The following CFAP44 variants were observed in gnomAD, a reference collection of about 807,000 sequenced individuals.
CFAP44 encodes cilia- and flagella-associated protein 44.
Under a neutral mutation model 216.2 loss-of-function variants are expected in CFAP44, and 134 were observed. The ratio of observed to expected loss-of-function variants is 0.62; its 90% CI spans 0.54 to 0.72. CFAP44 has a LOEUF of 0.72. Among genes scored for constraint, CFAP44 ranks in the 30% least tolerant of loss-of-function variants. The probability of loss-of-function intolerance (pLI) is 0.00; values close to 1 mark genes in which losing one functional copy is unlikely to be tolerated. For synonymous variants in CFAP44, 700 were observed against 727.6 expected (o/e 0.96, Z 0.61); for missense variants, 2,035 against 2,182.1 (o/e 0.93, Z 1.34).
At chr3:113,369,918 A>C (rs1230625514) in intron 18 of CFAP44, among the ~76,000 whole-genome samples, 2 of 152,204 alleles carry the variant, frequency 1.3e-5, no homozygotes, top group Non-Finnish European at 2.9e-5. Flanking sequence ...ATCCCACAGA[A>C]ATACAAACTA....
intron 5 of CFAP44, among the ~76,000 whole-genome samples, chr3:113,418,837 C>T (rs1026466382): frequency 1.3e-5 from 2 of 151,838 alleles, no homozygotes; most frequent in African/African-American, 4.8e-5. Context: ...CCTGAGTAGC[C>T]GGGATTACAG....
At chr3:113,403,820 G>A (rs988240222) in intron 9 of CFAP44, 32 bp downstream of exon 9, 50 of 1,597,674 alleles carry the variant, frequency 3.1e-5, no homozygotes, top group Non-Finnish European at 4.2e-5. Flanking sequence ...CTTAAACGTG[G>A]GTGCTACCAT....
chr3:113,365,299 A>G (rs1487747850), intron 19 of CFAP44, among the ~76,000 whole-genome samples: 1 of 152,146 alleles, frequency 6.6e-6, no homozygotes, highest in Non-Finnish European at 1.5e-5. Context: ...TATCTTCCCT[A>G]CATTCTTTAT....
At chr3:113,339,899 TG>T (rs1559916274) in intron 24 of CFAP44, among the ~76,000 whole-genome samples, 1 of 152,200 alleles carries the variant, frequency 6.6e-6, no homozygotes, top group Non-Finnish European at 1.5e-5. Flanking sequence ...GGAGAGAGTC[TG>T]GGGGAAGAAC....
chr3:113,412,192 G>T (rs1402378928), intron 6 of CFAP44, among the ~76,000 whole-genome samples: 1 of 152,132 alleles, frequency 6.6e-6, no homozygotes, highest in African/African-American at 2.4e-5. Context: ...GAAATAAAAG[G>T]AATTCAATTA....
intron 15 of CFAP44, among the ~76,000 whole-genome samples, chr3:113,391,360 A>G (rs1457523116): frequency 6.6e-6 from 1 of 152,142 alleles, no homozygotes; most frequent in South Asian, 2.1e-4. Flanking sequence ...TTAAAGACTT[A>G]AACTTAAGAC....
At chr3:113,401,400 C>T (rs1934138036) in intron 10 of CFAP44, 113 bp from the exon 11 acceptor site, 6 of 1,201,438 alleles carry the variant, frequency 5.0e-6, no homozygotes, top group Non-Finnish European at 7.0e-6. Context: ...CAAAAGCTCA[C>T]ATATATTTTA....
At chr3:113,431,154 A>C (rs970874312) in intron 2 of CFAP44, among the ~76,000 whole-genome samples, 2 of 152,108 alleles carry the variant, frequency 1.3e-5, no homozygotes, top group Non-Finnish European at 2.9e-5. Flanking sequence ...GGTGGGGGGA[A>C]TGCAGCTATG....
At position 113,419,609 on chromosome 3, in the gene CFAP44, T is replaced by A. The variant is rs183114171; in HGVS notation, c.570+408A>T. ...TTTCCATAGTCAATCTATGTCTACA[T>A]CCTATGTGTGTGTCTCACATTTTCC... On this transcript the variant is annotated intron_variant, in intron 5 of 34. Coordinates refer to ENST00000393845, the MANE Select transcript of CFAP44 (RefSeq NM_001164496.2). Among the ~76,000 whole-genome samples the A allele has an allele frequency of 9.2e-5, 14 of 152,282 alleles. No homozygotes were observed. The East Asian group carries it at 2.5e-3, about 27-fold the overall frequency.
intron 21 of CFAP44, 72 bp downstream of exon 21, chr3:113,363,073 G>T: frequency 7.0e-7 from 1 of 1,429,422 alleles, no homozygotes; most frequent in South Asian, 1.8e-5. Flanking sequence ...GTTTCTACTT[G>T]TTGGGAAAAT....
chr3:113,401,798 TAAGCCAGAAAAACCCTGA>T, intron 9 of CFAP44, 59 bp from the exon 10 acceptor site: 1 of 1,517,160 alleles, frequency 6.6e-7, no homozygotes. Context: ...ATTTATTTTC[TAAGCCAGAAAAACCCTGA>T]TTTTTTTTTC....
chr3:113,306,159 G>A (rs1484563825), intron 30 of CFAP44, 42 bp downstream of exon 30: 1 of 1,518,964 alleles, frequency 6.6e-7, no homozygotes, highest in East Asian at 2.5e-5. Flanking sequence ...AGGAGGATGT[G>A]TAGCATTTTG....
At chr3:113,323,519 T>C (rs997310258) in intron 28 of CFAP44, among the ~76,000 whole-genome samples, 3 of 152,168 alleles carry the variant, frequency 2.0e-5, no homozygotes, top group Non-Finnish European at 4.4e-5. Context: ...TTTGGTACTA[T>C]GCTCACTACC....
At chr3:113,396,218 A>T (rs1388420504) in intron 14 of CFAP44, among the ~76,000 whole-genome samples, 2 of 152,220 alleles carry the variant, frequency 1.3e-5, no homozygotes, top group Non-Finnish European at 2.9e-5. Context: ...TAAAATACTG[A>T]TTATAAATAA....
chr3:113,323,176 C>T (rs1240254525), intron 28 of CFAP44, among the ~76,000 whole-genome samples: 4 of 152,180 alleles, frequency 2.6e-5, no homozygotes, highest in Admixed American at 2.6e-4. Flanking sequence ...CAAACCATAA[C>T]ACTGTGCTAT....
At chr3:113,372,789 A>G (rs1193366823) in intron 18 of CFAP44, among the ~76,000 whole-genome samples, 1 of 152,166 alleles carries the variant, frequency 6.6e-6, no homozygotes, top group Non-Finnish European at 1.5e-5. Context: ...GATGACATGC[A>G]CCCAGAGAAA....
chr3:113,350,587 C>T (rs1420081493), intron 22 of CFAP44, among the ~76,000 whole-genome samples: 1 of 152,182 alleles, frequency 6.6e-6, no homozygotes, highest in Non-Finnish European at 1.5e-5. Context: ...ACCTTGTTGT[C>T]AGTGTAAACA....
Position 113,396,630 on chromosome 3 carries a change from C to A in CFAP44, c.1667G>T (p.Gly556Val). Residue 556 changes from glycine (G) to valine (V), a missense_variant, in exon 14 of 35, where the codon GGA becomes GTA. Physicochemically the swap from Gly to Val is moderately radical, Grantham distance 109. Coordinates refer to ENST00000393845, the MANE Select transcript of CFAP44 (RefSeq NM_001164496.2). ...ATCAGCATCCAAAATTTTCTTCCGT[C>A]CCGCAAAAATCGTGAGCCCTTTTGG... ...YDPKGLTIFA[G>V]RKKILDADIQ... 2 of 1,614,058 alleles carry A rather than the reference C, an allele frequency of 1.2e-6. No individual in the cohort carries two copies. The highest frequency in any genetic ancestry group is 1.7e-6 in the Non-Finnish European group (2 of 1,179,996).
chr3:113,375,286 T>C (rs1422822898), intron 17 of CFAP44, among the ~76,000 whole-genome samples: 1 of 152,176 alleles, frequency 6.6e-6, no homozygotes, highest in African/African-American at 2.4e-5. Context: ...TGTGAATACG[T>C]TTACTACTAC....
Sources: allele counts gnomAD v4.1 joint callset (sites outside exome capture counted in the v4.1 genomes callset), GRCh38; gene constraint gnomAD v4.1.1; transcripts MANE v1.5; gene names NCBI Gene and HGNC (gene_info 2026-07-23, HGNC 2026-07-21).